Variants in VPS13B observed in about 807,000 individuals in gnomAD.
The protein encoded by VPS13B is vacuolar protein sorting 13 homolog B.
A neutral mutation model predicts 426.4 loss-of-function variants in VPS13B; 285 were observed. That is an observed-to-expected ratio of 0.67 (90% CI 0.61 to 0.74). The LOEUF (loss-of-function observed/expected upper bound fraction) is 0.74. VPS13B is among the 30% of genes least tolerant of loss of function. VPS13B has a pLI of 0.00. For missense variants in VPS13B, 4,537 were observed against 4,782.6 expected (o/e 0.95, Z 1.51); for synonymous variants, 1,676 against 1,676.4 (o/e 1.00, Z 0.01).
intron 56 of VPS13B, among the ~76,000 whole-genome samples, chr8:99,856,302 A>T (rs72676266): frequency 6.6e-6 from 1 of 152,294 alleles, no homozygotes; most frequent in Non-Finnish European, 1.5e-5. Context: ...TGTCACTAAA[A>T]ATCTATGGAC....
At chr8:99,375,953 C>T (rs1039130063) in intron 19 of VPS13B, among the ~76,000 whole-genome samples, 1 of 152,182 alleles carries the variant, frequency 6.6e-6, no homozygotes, top group African/African-American at 2.4e-5. Context: ...GCTTCTATAG[C>T]TGCCAAGAGG....
intron 30 of VPS13B, among the ~76,000 whole-genome samples, chr8:99,541,672 C>T (rs1823629842): frequency 6.6e-6 from 1 of 152,106 alleles, no homozygotes; most frequent in Non-Finnish European, 1.5e-5. Context: ...AAATCTATCT[C>T]CATACTTTGG....
chr8:99,073,138 A>G (rs929492182), intron 3 of VPS13B, among the ~76,000 whole-genome samples: 1 of 152,098 alleles, frequency 6.6e-6, no homozygotes. Flanking sequence ...TGTGGCCATC[A>G]CAGCTGGGAA....
chr8:99,697,583 G>T, intron 35 of VPS13B: 1 of 671,648 alleles, frequency 1.5e-6, no homozygotes, highest in Admixed American at 2.3e-5. Context: ...GATCAAGAAG[G>T]AACTCTCAAA....
At chr8:99,047,840 A>G (rs753111693) in intron 3 of VPS13B, among the ~76,000 whole-genome samples, 5 of 152,014 alleles carry the variant, frequency 3.3e-5, no homozygotes, top group Non-Finnish European at 7.4e-5. Context: ...GGCACCTGCC[A>G]CCATGCATGA....
At chr8:99,134,132 T>G (rs1330891817) in intron 8 of VPS13B, among the ~76,000 whole-genome samples, 3 of 152,234 alleles carry the variant, frequency 2.0e-5, no homozygotes, top group African/African-American at 7.2e-5. Flanking sequence ...GGAAACATCT[T>G]TTGAAAAGAA....
rs1182729717 is a variant in VPS13B at position 99,289,863 on chromosome 8, G to A, written c.2824+14609G>A. ...GATTTATTATAATGACTTATCCTGT[G>A]TAGAAAAATACATCTATTTTGAGTG... On this transcript the variant is annotated intron_variant, in intron 19 of 61. Coordinates refer to ENST00000357162, the MANE Select transcript of VPS13B (RefSeq NM_152564.5). 2.0e-5 allele frequency among the ~76,000 whole-genome samples: 3 copies of A among 152,176 alleles called. No homozygotes were observed. The South Asian group carries it at 6.2e-4, about 32-fold the overall frequency.
At chr8:99,539,295 A>T (rs1387407561) in intron 30 of VPS13B, among the ~76,000 whole-genome samples, 1 of 152,350 alleles carries the variant, frequency 6.6e-6, no homozygotes, top group South Asian at 2.1e-4. Flanking sequence ...AAATATAGAT[A>T]TACAACATGT....
At chr8:99,655,992 A>G (rs1830005593) in intron 34 of VPS13B, among the ~76,000 whole-genome samples, 2 of 152,218 alleles carry the variant, frequency 1.3e-5, no homozygotes, top group Non-Finnish European at 2.9e-5. Context: ...ACCTACAAAC[A>G]AAACGAATGC....
At chr8:99,705,597 G>A (rs758140750) in intron 36 of VPS13B, among the ~76,000 whole-genome samples, 2 of 152,176 alleles carry the variant, frequency 1.3e-5, no homozygotes, top group African/African-American at 2.4e-5. Context: ...CTGCTCAGCC[G>A]TGTTTACATA....
At chr8:99,797,261 A>T (rs1415546332) in intron 43 of VPS13B, 2 of 150,832 alleles carry the variant, frequency 1.3e-5, no homozygotes, top group Non-Finnish European at 2.9e-5. Context: ...TTTTTTTGAG[A>T]CAGAGTTTTG....
At chr8:99,872,934 C>G (rs1226918783) in intron 61 of VPS13B, among the ~76,000 whole-genome samples, 2 of 152,144 alleles carry the variant, frequency 1.3e-5, no homozygotes, top group Non-Finnish European at 2.9e-5. Context: ...AGGCTTTAAG[C>G]TAGGGTTTGG....
At chr8:99,740,891 G>A (rs941016934) in intron 39 of VPS13B, among the ~76,000 whole-genome samples, 25 of 152,106 alleles carry the variant, frequency 1.6e-4, no homozygotes, top group African/African-American at 5.6e-4. Flanking sequence ...AAAGACCATC[G>A]AGGCTAGGAA....
chr8:99,838,588 C>T (rs1815513659), intron 54 of VPS13B, among the ~76,000 whole-genome samples: 1 of 152,230 alleles, frequency 6.6e-6, no homozygotes. Context: ...TAACTTGGTA[C>T]TGGCACCATG....
Position 99,817,533 on chromosome 8 carries a change from C to T in VPS13B, c.8098-7C>T, listed in dbSNP as rs1814116227. 1.9e-6 allele frequency: 3 copies of T among 1,613,654 alleles called. No individual in the cohort carries two copies. The highest frequency in any genetic ancestry group is 2.5e-6 in the Non-Finnish European group (3 of 1,179,902). Reference sequence around the variant, plus strand: ...GATGAAGCCTTATATACTTAACTGTCTTTTAGATTATCATCTGTGGAAGAC... The same window carrying T: ...GATGAAGCCTTATATACTTAACTGTTTTTTAGATTATCATCTGTGGAAGAC... On this transcript the variant is annotated splice_region_variant and splice_polypyrimidine_tract_variant and intron_variant, in intron 44 of 61. Transcript: ENST00000357162.
At chr8:99,178,230 A>G (rs1031399255) in intron 16 of VPS13B, among the ~76,000 whole-genome samples, 6 of 151,976 alleles carry the variant, frequency 3.9e-5, no homozygotes, top group African/African-American at 1.5e-4. Flanking sequence ...ATATGTATAC[A>G]TGTGCCATGC....
chr8:99,498,646 T>C (rs1240484265), intron 25 of VPS13B, among the ~76,000 whole-genome samples: 2 of 152,222 alleles, frequency 1.3e-5, no homozygotes, highest in African/African-American at 4.8e-5. Context: ...TTAGATGATT[T>C]ATACTTTAAA....
chr8:99,075,865 T>C (rs1845091713), intron 3 of VPS13B, among the ~76,000 whole-genome samples: 1 of 152,192 alleles, frequency 6.6e-6, no homozygotes, highest in African/African-American at 2.4e-5. Context: ...GTTTAGTCTC[T>C]AGTTATTTCT....
intron 3 of VPS13B, among the ~76,000 whole-genome samples, chr8:99,056,133 T>C (rs569558349): frequency 2.0e-5 from 3 of 152,086 alleles, no homozygotes; most frequent in African/African-American, 7.2e-5. Context: ...CTCAGCTCAC[T>C]GGAACCTCCA....
Sources: gnomAD v4.1 joint callset for allele counts (sites outside exome capture counted in the v4.1 genomes callset) on GRCh38, gnomAD v4.1.1 for gene constraint, MANE v1.5 for transcripts, NCBI Gene and HGNC (gene_info 2026-07-23, HGNC 2026-07-21) for gene names.